The following LRP1B variants were observed in gnomAD, a reference collection of about 807,000 sequenced individuals.
The protein encoded by LRP1B is LDL receptor related protein 1B.
LRP1B carries 217 observed loss-of-function variants against 556.6 expected under a neutral mutation model. That is an observed-to-expected ratio of 0.39 (90% CI 0.35 to 0.44). The LOEUF is 0.44. LRP1B is among the 20% of genes least tolerant of loss of function. The probability of loss-of-function intolerance (pLI) is 1.00; values close to 1 mark genes in which losing one functional copy is unlikely to be tolerated. For missense variants in LRP1B, 5,053 were observed against 5,620.8 expected (o/e 0.90, Z 3.23); for synonymous variants, 2,047 against 1,865.8 (o/e 1.10, Z -2.50).
intron 43 of LRP1B, among the ~76,000 whole-genome samples, chr2:140,542,237 G>A (rs956171386): frequency 6.6e-6 from 1 of 151,972 alleles, no homozygotes; most frequent in Non-Finnish European, 1.5e-5. Context: ...TGTATAACAA[G>A]TGTATTGTTT....
chr2:140,274,564 T>A lies in LRP1B; in HGVS notation c.13002A>T (p.Ser4334=). Residue 4334 remains serine (S), a synonymous_variant, in exon 85 of 91, where the codon TCA becomes TCT. Coordinates refer to ENST00000389484, the MANE Select transcript of LRP1B (RefSeq NM_018557.3). The part of the protein sequence containing the change: ...VCHHYCVNSE[S]CTIGDDGSVE... ...CACTTCCATCATCCCCAATGGTACA[T>A]GATTCAGAATTCACACAATAGTGGT... 2 of 1,612,424 alleles carry A rather than the reference T, an allele frequency of 1.2e-6. No homozygotes were observed. The highest frequency in any genetic ancestry group is 1.1e-5 in the South Asian group (1 of 91,014).
At chr2:141,600,838 C>A (rs1288464591) in intron 2 of LRP1B, among the ~76,000 whole-genome samples, 1 of 152,016 alleles carries the variant, frequency 6.6e-6, no homozygotes, top group East Asian at 1.9e-4. Context: ...TTATACCAGT[C>A]CCTCTTGTGT....
chr2:141,134,725 C>CAAA (rs59459189), intron 7 of LRP1B, among the ~76,000 whole-genome samples: 13 of 140,664 alleles, frequency 9.2e-5, no homozygotes, highest in Non-Finnish European at 1.1e-4. Context: ...CAATAACTAC[C>CAAA]AAAAAAAAAA....
At chr2:140,882,323 T>C (rs13402753) in intron 25 of LRP1B, among the ~76,000 whole-genome samples, 55,806 of 151,820 alleles carry the variant, frequency 0.37, 10,852 homozygotes, top group African/African-American at 0.5. Flanking sequence ...AAAATAAAGG[T>C]AAGTCTTATT....
intron 86 of LRP1B, among the ~76,000 whole-genome samples, chr2:140,264,846 G>A (rs1682127564): frequency 6.6e-6 from 1 of 152,048 alleles, no homozygotes; most frequent in South Asian, 2.1e-4. Flanking sequence ...TACCTGAGTT[G>A]AGATTAATGA....
intron 3 of LRP1B, among the ~76,000 whole-genome samples, chr2:141,365,478 A>G (rs901648244): frequency 3.0e-5 from 3 of 100,950 alleles, no homozygotes; most frequent in Non-Finnish European, 6.3e-5. Context: ...GCTAGCTTAG[A>G]AGTGTTTTTT....
chr2:140,378,482 T>A (rs1231192806), intron 67 of LRP1B, among the ~76,000 whole-genome samples, 196 bp from the exon 68 acceptor site: 1 of 152,166 alleles, frequency 6.6e-6, no homozygotes, highest in African/African-American at 2.4e-5. Context: ...ATTTTTAAAG[T>A]CATAAGTACA....
intron 41 of LRP1B, among the ~76,000 whole-genome samples, chr2:140,676,525 G>A (rs1292390110): frequency 6.6e-6 from 1 of 152,030 alleles, no homozygotes; most frequent in Non-Finnish European, 1.5e-5. Flanking sequence ...AATCATAAAG[G>A]TAAGCAGTTT....
intron 20 of LRP1B, among the ~76,000 whole-genome samples, chr2:140,941,961 T>C (rs1274583116): frequency 3.3e-5 from 5 of 151,978 alleles, no homozygotes; most frequent in Non-Finnish European, 7.4e-5. Flanking sequence ...ATGTCTAAAA[T>C]GACAGACATA....
chr2:141,722,634 T>C (rs1692865285), intron 2 of LRP1B, among the ~76,000 whole-genome samples: 3 of 152,158 alleles, frequency 2.0e-5, no homozygotes, highest in Admixed American at 1.3e-4. Flanking sequence ...CCCTCTCCCA[T>C]TGCCCACTGT....
rs550684565 is a variant in LRP1B, at chr2:140,593,673, C to T, written c.7194+4958G>A. ...CAATGCAAGTCAAAATTGAACTGTG[C>T]GGACTTGTATTTTATTGTGACCACA... On this transcript the variant is annotated intron_variant, in intron 43 of 90. Transcript: ENST00000389484. Among the ~76,000 whole-genome samples, 52 of 151,718 alleles carry T rather than the reference C, an allele frequency of 3.4e-4. 1 individual carries two copies. The highest frequency in any genetic ancestry group is 6.6e-4 in the Admixed American group (10 of 15,240).
chr2:141,673,838 A>G (rs1296419904), intron 2 of LRP1B, among the ~76,000 whole-genome samples: 1 of 151,996 alleles, frequency 6.6e-6, no homozygotes, highest in Non-Finnish European at 1.5e-5. Context: ...ATTTTTTTTA[A>G]AATTTTTAAT....
chr2:140,286,194 A>C (rs893339135), intron 84 of LRP1B, among the ~76,000 whole-genome samples: 4 of 151,926 alleles, frequency 2.6e-5, no homozygotes, highest in African/African-American at 9.7e-5. Context: ...TATGGAAGGC[A>C]GAGAACAAGA....
chr2:141,043,172 C>G (rs1698756145), intron 11 of LRP1B, among the ~76,000 whole-genome samples: 1 of 149,996 alleles, frequency 6.7e-6, no homozygotes, highest in Non-Finnish European at 1.5e-5. Context: ...CACTGCACTC[C>G]AGCCTGGATG....
intron 86 of LRP1B, among the ~76,000 whole-genome samples, chr2:140,260,521 T>A (rs1394525405): frequency 1.3e-5 from 2 of 151,810 alleles, no homozygotes; most frequent in African/African-American, 2.4e-5. Context: ...GTGTATATAT[T>A]AATATATGTA....
intron 35 of LRP1B, among the ~76,000 whole-genome samples, chr2:140,743,533 A>G (rs1205045723): frequency 2.6e-5 from 4 of 152,206 alleles, no homozygotes; most frequent in Non-Finnish European, 5.9e-5. Context: ...CATCTGTAAA[A>G]CAGGAATAAT....
chr2:140,237,985 C>T (rs1680785722), intron 89 of LRP1B, among the ~76,000 whole-genome samples, 167 bp downstream of exon 89: 1 of 150,744 alleles, frequency 6.6e-6, no homozygotes. Context: ...TGAATGCAGT[C>T]CATAATTGTA....
intron 2 of LRP1B, among the ~76,000 whole-genome samples, chr2:141,660,397 G>A (rs1421717035): frequency 1.4e-5 from 2 of 139,106 alleles, no homozygotes; most frequent in Non-Finnish European, 3.2e-5. Context: ...CTCAGTGGCC[G>A]CCTGGCTGGA....
At chr2:141,796,327 C>T (rs1259260914) in intron 2 of LRP1B, among the ~76,000 whole-genome samples, 1 of 151,992 alleles carries the variant, frequency 6.6e-6, no homozygotes, top group African/African-American at 2.4e-5. Flanking sequence ...AATCCACTTA[C>T]CTTGAAGGTA....
Sources: allele counts gnomAD v4.1 joint callset (sites outside exome capture counted in the v4.1 genomes callset), GRCh38; gene constraint gnomAD v4.1.1; transcripts MANE v1.5; gene names NCBI Gene and HGNC (gene_info 2026-07-23, HGNC 2026-07-21).